SYN3: variants seen among roughly 807,000 people sequenced by gnomAD.
The protein encoded by SYN3 is synapsin-3.
Under a neutral mutation model 65.8 loss-of-function variants are expected in SYN3, and 35 were observed. That is an observed-to-expected ratio of 0.53 (90% CI 0.41 to 0.70). SYN3 has a LOEUF of 0.70. SYN3 is among the 30% of genes least tolerant of loss of function. SYN3 has a pLI of 0.00. For missense variants in SYN3, 680 were observed against 749.0 expected, an observed-to-expected ratio of 0.91 and a Z score of 1.08; for synonymous variants, 270 against 292.9, an observed-to-expected ratio of 0.92 and a Z score of 0.80.
At chr22:32,973,630 G>A (rs1314592749) in intron 3 of SYN3, among the ~76,000 whole-genome samples, 1 of 152,088 alleles carries the variant, frequency 6.6e-6, no homozygotes, top group African/African-American at 2.4e-5. Flanking sequence ...TCTTCCTGTA[G>A]GATTGCACCA....
At chr22:32,786,012 G>A (rs1354665611) in intron 6 of SYN3, among the ~76,000 whole-genome samples, 2 of 145,882 alleles carry the variant, frequency 1.4e-5, no homozygotes, top group Non-Finnish European at 3.0e-5. Flanking sequence ...AGAAGAAGAA[G>A]AAGAAGAAAA....
intron 6 of SYN3, among the ~76,000 whole-genome samples, chr22:32,597,181 A>G (rs892783178): frequency 5.7e-5 from 8 of 140,388 alleles, no homozygotes; most frequent in African/African-American, 5.2e-5. Context: ...TATTCCTGGC[A>G]TACTCCTGTC....
chr22:32,931,512 C>A, intron 3 of SYN3, 31 bp from the exon 4 acceptor site: 1 of 1,476,462 alleles, frequency 6.8e-7, no homozygotes, highest in Non-Finnish European at 9.5e-7. Flanking sequence ...AAAAAGGATT[C>A]ATCAAATACC....
At chr22:32,654,867 C>A (rs947621586) in intron 6 of SYN3, among the ~76,000 whole-genome samples, 1 of 152,230 alleles carries the variant, frequency 6.6e-6, no homozygotes, top group Non-Finnish European at 1.5e-5. Context: ...CTGACATTTA[C>A]CATGTTCTAT....
chr22:32,574,904 A>G (rs142095944), intron 7 of SYN3, among the ~76,000 whole-genome samples: 2 of 152,384 alleles, frequency 1.3e-5, no homozygotes, highest in African/African-American at 4.8e-5. Flanking sequence ...CTCCAAAATA[A>G]TAAGCAAAAT....
intron 1 of SYN3, among the ~76,000 whole-genome samples, chr22:33,055,152 T>C (rs778586615): frequency 3.0e-4 from 45 of 152,232 alleles, no homozygotes; most frequent in Non-Finnish European, 1.0e-4. Flanking sequence ...TAAGCACCTT[T>C]CTTCAAGGAG....
At chr22:32,751,672 A>ATTCCTCCTTGT (rs2045131768) in intron 6 of SYN3, among the ~76,000 whole-genome samples, 2 of 152,178 alleles carry the variant, frequency 1.3e-5, no homozygotes, top group African/African-American at 2.4e-5. Flanking sequence ...CAGGAGGAAT[A>ATTCCTCCTTGT]ATGCCACTTG....
chr22:32,772,706 G>A (rs952325108), intron 6 of SYN3, among the ~76,000 whole-genome samples: 21 of 152,278 alleles, frequency 1.4e-4, no homozygotes, highest in Non-Finnish European at 2.8e-4. Flanking sequence ...AATGATTAGT[G>A]TAGGAGACCA....
chr22:32,537,977 T>C, intron 9 of SYN3, 59 bp downstream of exon 9: 1 of 1,515,278 alleles, frequency 6.6e-7, no homozygotes, highest in Non-Finnish European at 9.2e-7. Flanking sequence ...TTTTGTTGCA[T>C]TCCCCCTTCA....
intron 6 of SYN3, among the ~76,000 whole-genome samples, chr22:32,713,780 G>A (rs1050260363): frequency 3.3e-5 from 5 of 150,410 alleles, no homozygotes; most frequent in South Asian, 2.1e-4. Flanking sequence ...GCAGTGAGCC[G>A]AGATTGTGCC....
intron 6 of SYN3, among the ~76,000 whole-genome samples, chr22:32,805,379 TC>T (rs1323335811): frequency 6.6e-6 from 1 of 152,146 alleles, no homozygotes; most frequent in Non-Finnish European, 1.5e-5. Context: ...AGAAACCAGA[TC>T]CATCCCCTCT....
intron 6 of SYN3, among the ~76,000 whole-genome samples, chr22:32,622,974 G>A (rs2059615988): frequency 6.6e-6 from 1 of 152,056 alleles, no homozygotes; most frequent in Admixed American, 6.6e-5. Context: ...GTGTAGTTTA[G>A]GGGAGGGAGG....
At chr22:32,681,594 A>G (rs2060523393) in intron 6 of SYN3, among the ~76,000 whole-genome samples, 1 of 152,236 alleles carries the variant, frequency 6.6e-6, no homozygotes, top group Admixed American at 6.5e-5. Context: ...TCACCTGACC[A>G]GGAAGACAGT....
intron 6 of SYN3, among the ~76,000 whole-genome samples, chr22:32,782,832 T>C (rs1264929099): frequency 6.6e-6 from 1 of 152,210 alleles, no homozygotes; most frequent in Non-Finnish European, 1.5e-5. Flanking sequence ...CTTGTAATTG[T>C]AGCAGAGGAT....
In SYN3 at chr22:32,869,367, T is replaced by TCTCTCTCTCTCTCTCTCA. The variant is rs61464794; in HGVS notation, c.462-243_462-242insTGAGAGAGAGAGAGAGAG. 6.3e-3 allele frequency among the ~76,000 whole-genome samples: 892 copies of TCTCTCTCTCTCTCTCTCA among 142,388 alleles called. 5 individuals are homozygous for TCTCTCTCTCTCTCTCTCA. The highest frequency in any genetic ancestry group is 0.017 in the African/African-American group (627 of 37,836). The allele number at this position is 142,388 out of a possible 152,430, so 93.4% of individuals were successfully genotyped here. On this transcript the variant is annotated intron_variant, in intron 4 of 13. Coordinates refer to ENST00000358763, the MANE Select transcript of SYN3 (RefSeq NM_003490.4). ...CTCTCTCTCTCTCTCTCTCTCTCTC[T>TCTCTCTCTCTCTCTCTCA]CACAGGCTCTTTCCTAAATTCCCTG... is the stretch of plus-strand genomic sequence containing the variant.
intron 6 of SYN3, among the ~76,000 whole-genome samples, chr22:32,757,083 C>T (rs2145691229): frequency 6.7e-6 from 1 of 150,152 alleles, no homozygotes; most frequent in African/African-American, 2.5e-5. Flanking sequence ...GGAGGAAAAG[C>T]AAATATTGAA....
chr22:32,692,177 C>CAAAAAAAAAAAAAAAAAAAG (rs2060673135), intron 6 of SYN3, among the ~76,000 whole-genome samples: 2 of 65,970 alleles, frequency 3.0e-5, no homozygotes, highest in Non-Finnish European at 4.9e-5. Flanking sequence ...AAAAAAAAAA[C>CAAAAAAAAAAAAAAAAAAAG]AGGACGGTCT....
chr22:32,925,110 T>C (rs1216385808), intron 4 of SYN3, among the ~76,000 whole-genome samples: 1 of 152,022 alleles, frequency 6.6e-6, no homozygotes, highest in Non-Finnish European at 1.5e-5. Context: ...AAAAAAGCTA[T>C]TGGCAGAGTT....
At chr22:32,923,506 A>G (rs1419751307) in intron 4 of SYN3, among the ~76,000 whole-genome samples, 2 of 152,238 alleles carry the variant, frequency 1.3e-5, no homozygotes, top group African/African-American at 2.4e-5. Flanking sequence ...CGGGAGATCT[A>G]GACCTTGGTC....
Sources: gnomAD v4.1 joint callset for allele counts (sites outside exome capture counted in the v4.1 genomes callset) on GRCh38, gnomAD v4.1.1 for gene constraint, MANE v1.5 for transcripts, NCBI Gene and HGNC (gene_info 2026-07-23, HGNC 2026-07-21) for gene names.